The following RNF130 variants were observed in gnomAD, a reference collection of about 807,000 sequenced individuals.
The protein encoded by RNF130 is ring finger protein 130, also known as E3 ubiquitin-protein ligase RNF130.
In RNF130, 21 loss-of-function variants were observed where a neutral mutation model predicts 44.6. The observed-to-expected ratio is 0.47, with a 90% confidence interval of 0.33 to 0.68. RNF130 has a LOEUF of 0.68. Ranked by LOEUF, RNF130 falls within the 30% of genes least tolerant of loss-of-function variation. The probability of loss-of-function intolerance (pLI) is 0.02; values close to 1 mark genes in which losing one functional copy is unlikely to be tolerated. For synonymous variants in RNF130, 214 were observed against 210.4 expected, an observed-to-expected ratio of 1.02 and a Z score of -0.15; for missense variants, 479 against 560.6, an observed-to-expected ratio of 0.85 and a Z score of 1.47.
At chr5:180,066,162 G>A (rs1765102889) in intron 1 of RNF130, among the ~76,000 whole-genome samples, 1 of 152,168 alleles carries the variant, frequency 6.6e-6, no homozygotes, top group Non-Finnish European at 1.5e-5. Flanking sequence ...CACATGCTGT[G>A]GGAGGGACCC....
At chr5:180,066,136 G>T (rs1384238953) in intron 1 of RNF130, among the ~76,000 whole-genome samples, 1 of 152,168 alleles carries the variant, frequency 6.6e-6, no homozygotes, top group African/African-American at 2.4e-5. Flanking sequence ...ATTTTGAATT[G>T]TACTCCCATA....
chr5:180,033,583 G>A (rs897085399), intron 2 of RNF130, among the ~76,000 whole-genome samples: 3 of 151,966 alleles, frequency 2.0e-5, no homozygotes, highest in Non-Finnish European at 4.4e-5. Flanking sequence ...CCAGCTGCTC[G>A]GGAGTCTGAG....
At chr5:180,042,649 G>C (rs1413889905) in intron 1 of RNF130, among the ~76,000 whole-genome samples, 1 of 152,160 alleles carries the variant, frequency 6.6e-6, no homozygotes, top group African/African-American at 2.4e-5. Flanking sequence ...ATCCAAACGG[G>C]GAATAACCAA....
At chr5:179,960,200 G>A (rs568934500) in intron 8 of RNF130, among the ~76,000 whole-genome samples, 3 of 152,172 alleles carry the variant, frequency 2.0e-5, no homozygotes, top group East Asian at 1.9e-4. Flanking sequence ...CAGTAACCTC[G>A]CTTACCTAGG....
At chr5:180,009,021 C>G (rs1217373499) in intron 3 of RNF130, among the ~76,000 whole-genome samples, 1 of 151,938 alleles carries the variant, frequency 6.6e-6, no homozygotes, top group Non-Finnish European at 1.5e-5. Flanking sequence ...TACAGCATAT[C>G]AAAATATGTG....
At chr5:180,019,156 A>G (rs1763813405) in intron 2 of RNF130, among the ~76,000 whole-genome samples, 1 of 150,304 alleles carries the variant, frequency 6.7e-6, no homozygotes, top group Non-Finnish European at 1.5e-5. Flanking sequence ...AGGCTGAGGC[A>G]GGTGGATCAC....
chr5:179,959,394 G>A (rs761127348), intron 8 of RNF130, among the ~76,000 whole-genome samples: 17 of 152,004 alleles, frequency 1.1e-4, no homozygotes, highest in Non-Finnish European at 2.1e-4. Context: ...TTGGGAGGCC[G>A]AGACAGGTGG....
intron 7 of RNF130, among the ~76,000 whole-genome samples, chr5:179,926,879 C>T (rs1056002580): frequency 6.6e-6 from 1 of 152,118 alleles, no homozygotes; most frequent in Admixed American, 6.5e-5. Context: ...AGCGTTGGAA[C>T]TGAATTGAAT....
In RNF130 at chr5:179,987,034, TTA is replaced by T. The variant is rs1243998537; in HGVS notation, c.694-6836_694-6835del. ...TCCAACTTTACTGAATTTATCAGGT[TTA>T]TGAGTTTTTGGTGAACTCTTTGTTT... On this transcript the variant is annotated intron_variant, in intron 3 of 8. Coordinates refer to ENST00000521389, the MANE Select transcript of RNF130 (RefSeq NM_018434.6). Among the ~76,000 whole-genome samples, 9 of 152,380 alleles carry T rather than the reference TTA, an allele frequency of 5.9e-5. No individual in the cohort carries two copies. In the East Asian group the frequency reaches 1.3e-3, roughly 23 times the overall value.
At chr5:179,927,586 C>CTT (rs5873673) in intron 7 of RNF130, among the ~76,000 whole-genome samples, 34 of 112,160 alleles carry the variant, frequency 3.0e-4, no homozygotes, top group African/African-American at 3.9e-4. Context: ...TTAGCTTTGT[C>CTT]TTTTTTTTTT....
chr5:179,976,620 G>A (rs375104153), intron 5 of RNF130, among the ~76,000 whole-genome samples: 2 of 151,614 alleles, frequency 1.3e-5, no homozygotes, highest in African/African-American at 2.4e-5. Context: ...TCCTTTATAT[G>A]TAAACTAGAA....
chr5:179,965,473 T>G (rs1762421068), intron 7 of RNF130, among the ~76,000 whole-genome samples: 1 of 152,230 alleles, frequency 6.6e-6, no homozygotes, highest in Non-Finnish European at 1.5e-5. Flanking sequence ...TATAAGATTT[T>G]GAAAGGACAT....
chr5:180,048,719 C>A (rs1412422616), intron 1 of RNF130, among the ~76,000 whole-genome samples: 11 of 152,158 alleles, frequency 7.2e-5, no homozygotes, highest in African/African-American at 2.7e-4. Context: ...AGCAGTGTCA[C>A]CAGGATCTGG....
In RNF130 at chr5:179,998,859, T is replaced by TATATATATATATATA. The variant is rs1554103680; in HGVS notation, c.693+14201_693+14202insTATATATATATATAT. 1.5e-3 allele frequency among the ~76,000 whole-genome samples: 136 copies of TATATATATATATATA among 88,682 alleles called. 2 individuals carry two copies. Among genetic ancestry groups the TATATATATATATATA allele is most frequent in the East Asian group, 2.9e-3 (9 of 3,090 alleles). 58.2% of individuals were successfully genotyped at this position (88,682 alleles called of 152,430 possible). Reference sequence around the variant, plus strand: ...TCTCTCTCTTTAGATCTAGTATTTTTTATATATATATATATATATATATAT... The same window carrying TATATATATATATATA: ...TCTCTCTCTTTAGATCTAGTATTTTTATATATATATATATATATATATATATATATATATATATAT... On this transcript the variant is annotated intron_variant, in intron 3 of 8. Coordinates refer to ENST00000521389, the MANE Select transcript of RNF130 (RefSeq NM_018434.6).
intron 2 of RNF130, among the ~76,000 whole-genome samples, chr5:180,032,231 G>T (rs1764146247): frequency 6.6e-6 from 1 of 151,854 alleles, no homozygotes; most frequent in Non-Finnish European, 1.5e-5. Context: ...TTTATAAACA[G>T]TGTTTTTGGA....
At chr5:179,994,691 G>A (rs532978085) in intron 3 of RNF130, among the ~76,000 whole-genome samples, 1 of 152,272 alleles carries the variant, frequency 6.6e-6, no homozygotes, top group African/African-American at 2.4e-5. Context: ...CTCCTGAGAA[G>A]CTGGGGTGGC....
intron 1 of RNF130, among the ~76,000 whole-genome samples, chr5:180,052,585 G>A (rs1764711837): frequency 6.6e-6 from 1 of 152,092 alleles, no homozygotes; most frequent in Admixed American, 6.6e-5. Context: ...CTAATGACTC[G>A]ATGCAATGAC....
chr5:179,994,300 G>T (rs1763155395), intron 3 of RNF130, among the ~76,000 whole-genome samples: 1 of 152,080 alleles, frequency 6.6e-6, no homozygotes. Flanking sequence ...AATTACCTTG[G>T]GCAGTATGGC....
In RNF130 at chr5:179,998,860, T is replaced by A. The variant is rs1470135231; in HGVS notation, c.693+14201A>T. 1.4e-4 allele frequency among the ~76,000 whole-genome samples: 9 copies of A among 63,746 alleles called. No individual in the cohort carries two copies. In the East Asian group the frequency reaches 1.9e-3, roughly 14 times the overall value. 41.8% of individuals were successfully genotyped at this position (63,746 alleles called of 152,430 possible). On this transcript the variant is annotated intron_variant, in intron 3 of 8. Coordinates refer to ENST00000521389, the MANE Select transcript of RNF130 (RefSeq NM_018434.6). The stretch of plus-strand genomic sequence containing the variant: ...CTCTCTCTTTAGATCTAGTATTTTT[T>A]ATATATATATATATATATATATATG...
Sources: allele counts gnomAD v4.1 joint callset (sites outside exome capture counted in the v4.1 genomes callset), GRCh38; gene constraint gnomAD v4.1.1; transcripts MANE v1.5; gene names NCBI Gene and HGNC (gene_info 2026-07-23, HGNC 2026-07-21).